TMEM169: variants seen among roughly 807,000 people sequenced by gnomAD.
TMEM169 encodes the protein transmembrane protein 169.
Under a neutral mutation model 27.3 loss-of-function variants are expected in TMEM169, and 18 were observed. The ratio of observed to expected loss-of-function variants is 0.66; its 90% confidence interval spans 0.46 to 0.98. The LOEUF is 0.98. Among genes scored for constraint, TMEM169 ranks in the 50% least tolerant of loss-of-function variants. The pLI is 0.00. For synonymous variants in TMEM169, 136 were observed against 142.1 expected (o/e 0.96, Z 0.30); for missense variants, 320 against 368.6 (o/e 0.87, Z 1.08).
chr2:216,087,818 A>G (rs1227528291), intron 1 of TMEM169, among the ~76,000 whole-genome samples: 4 of 152,224 alleles, frequency 2.6e-5, no homozygotes, highest in Non-Finnish European at 5.9e-5. Flanking sequence ...TGTTACTATT[A>G]TTCAGTCCAA....
Position 216,100,093 on chromosome 2 carries a change from G to T in TMEM169, c.445G>T (p.Ala149Ser). The stretch of plus-strand genomic sequence containing the variant: ...GGAAACGACGCCTGAAGGAAGAATG[G>T]CCTGCCAGATGGGAGCTGACCGTGG... ...SRETTPEGRM[A>S]CQMGADRGPH... is the part of the protein sequence containing the mutation. Residue 149 changes from alanine to serine, a missense_variant, in exon 3 of 3, where the codon GCC (alanine) becomes TCC (serine). Ala to Ser is a moderately conservative substitution (Grantham distance 99). Transcript: ENST00000437356. The T allele has an allele frequency of 6.2e-7, 1 of 1,614,154 alleles. No homozygotes were observed. The highest frequency in any genetic ancestry group is 8.5e-7 in the Non-Finnish European group (1 of 1,180,026).
chr2:216,087,604 C>G (rs1696036408), intron 1 of TMEM169, among the ~76,000 whole-genome samples: 1 of 152,142 alleles, frequency 6.6e-6, no homozygotes, highest in Admixed American at 6.6e-5. Context: ...ATGAAAATAA[C>G]ATGGGCTTTG....
At chr2:216,098,500 C>A (rs1279485883) in intron 2 of TMEM169, among the ~76,000 whole-genome samples, 1 of 152,106 alleles carries the variant, frequency 6.6e-6, no homozygotes, top group Non-Finnish European at 1.5e-5. Context: ...AAAGACAGGG[C>A]TTGGGAGACT....
intron 1 of TMEM169, among the ~76,000 whole-genome samples, chr2:216,094,440 A>G (rs1696213587): frequency 6.6e-6 from 1 of 152,232 alleles, no homozygotes; most frequent in Non-Finnish European, 1.5e-5. Flanking sequence ...TAAATGAAGA[A>G]GTCAGAGAAA....
At chr2:216,090,652 T>C (rs1028241821) in intron 1 of TMEM169, among the ~76,000 whole-genome samples, 1 of 152,186 alleles carries the variant, frequency 6.6e-6, no homozygotes, top group African/African-American at 2.4e-5. Context: ...AAAAACACTT[T>C]TGGACCTCCA....
Position 216,099,342 on chromosome 2 carries a change from G to A in TMEM169, c.272-578G>A, listed in dbSNP as rs1029217837. ...TGTATGTGGTACGTGATTGGGAGGTGGCATGTGTATGTGTGTGTATGGTGT... is the reference window on the plus strand; with the variant it reads ...TGTATGTGGTACGTGATTGGGAGGTAGCATGTGTATGTGTGTGTATGGTGT... On this transcript the variant is annotated intron_variant, in intron 2 of 2. Coordinates refer to ENST00000437356, the MANE Select transcript of TMEM169 (RefSeq NM_001142311.2). This position sits in a 1 kb window ranked among gnomAD's most constrained non-coding sequence, Gnocchi z 5.0. Among the ~76,000 whole-genome samples the A allele has an allele frequency of 1.3e-5, 2 of 151,648 alleles. No individual in the cohort carries two copies. The highest frequency in any genetic ancestry group is 4.8e-5 in the African/African-American group (2 of 41,246).
At chr2:216,098,200 T>C (rs1696304586) in intron 2 of TMEM169, among the ~76,000 whole-genome samples, 1 of 152,094 alleles carries the variant, frequency 6.6e-6, no homozygotes, top group Non-Finnish European at 1.5e-5. Flanking sequence ...TTTATATTTG[T>C]AAAAGATCAC....
intron 1 of TMEM169, among the ~76,000 whole-genome samples, chr2:216,088,256 G>A (rs1451867636): frequency 6.6e-6 from 1 of 151,870 alleles, no homozygotes; most frequent in Non-Finnish European, 1.5e-5. Flanking sequence ...TCAGGAGATC[G>A]AGACCATCCT....
At chr2:216,089,670 T>G (rs1356767426) in intron 1 of TMEM169, among the ~76,000 whole-genome samples, 1 of 152,148 alleles carries the variant, frequency 6.6e-6, no homozygotes, top group Non-Finnish European at 1.5e-5. Context: ...GCCAGGCTGG[T>G]CTTGAATTCC....
chr2:216,083,073 G>A (rs894112226), intron 1 of TMEM169: 8 of 152,258 alleles, frequency 5.3e-5, no homozygotes, highest in Admixed American at 5.2e-4. Flanking sequence ...CCATCCTCTT[G>A]TCCTTCTCTG....
At chr2:216,094,346 T>C (rs1302151577) in intron 1 of TMEM169, among the ~76,000 whole-genome samples, 1 of 152,206 alleles carries the variant, frequency 6.6e-6, no homozygotes, top group Non-Finnish European at 1.5e-5. Flanking sequence ...ATGCCAATAA[T>C]ATTGCATAAC....
intron 1 of TMEM169, among the ~76,000 whole-genome samples, chr2:216,091,171 C>A (rs1559226419): frequency 6.6e-6 from 1 of 152,140 alleles, no homozygotes; most frequent in South Asian, 2.1e-4. Context: ...GTTTTCCCCC[C>A]AAATCCATAT....
chr2:216,101,702 T>A lies in TMEM169; in HGVS notation c.*1160T>A, dbSNP rs1055415334. 1 of 152,068 alleles carries A rather than the reference T, an allele frequency of 6.6e-6. No homozygotes were observed. Among genetic ancestry groups the A allele is most frequent in the African/African-American group, 2.4e-5 (1 of 41,402 alleles). 9.4% of individuals were successfully genotyped at this position (152,068 alleles called of 1,614,324 possible). A position where few individuals can be genotyped will look rare whatever the true frequency, so the allele number is the denominator to read the frequency against. On this transcript the variant is annotated 3_prime_UTR_variant, in exon 3 of 3. Transcript: ENST00000437356. ...TTTCACCATGTGCCCAGGCTGGTCT[T>A]GAACTCCTGACCTCAGGTGATCCGC...
chr2:216,089,091 A>G (rs1696071626), intron 1 of TMEM169, among the ~76,000 whole-genome samples: 1 of 152,190 alleles, frequency 6.6e-6, no homozygotes, highest in Non-Finnish European at 1.5e-5. Flanking sequence ...CCTAGAAAAC[A>G]CTGGCAATTA....
At position 216,096,250 on chromosome 2, in the gene TMEM169, C is replaced by T; in HGVS notation, c.271+16C>T. Reference sequence around the variant, plus strand: ...GTGGATGATGGTAAGTCTCTCTAGCCCACTTGTTTAAAGCCATGGGAAGGA... The same window carrying T: ...GTGGATGATGGTAAGTCTCTCTAGCTCACTTGTTTAAAGCCATGGGAAGGA... On this transcript the variant is annotated intron_variant, in intron 2 of 2. Transcript: ENST00000437356. The T allele has an allele frequency of 6.2e-7, 1 of 1,607,196 alleles. No individual in the cohort carries two copies. The highest frequency in any genetic ancestry group is 8.5e-7 in the Non-Finnish European group (1 of 1,175,566).
chr2:216,091,556 C>CA (rs35975278), intron 1 of TMEM169, among the ~76,000 whole-genome samples: 4,631 of 80,010 alleles, frequency 0.058, 559 homozygotes, highest in African/African-American at 0.19. Flanking sequence ...GACTCCATCT[C>CA]AAAAAAAAAA....
At chr2:216,087,178 A>AG (rs35025703) in intron 1 of TMEM169, among the ~76,000 whole-genome samples, 83,528 of 151,662 alleles carry the variant, frequency 0.55, 23,362 homozygotes, top group East Asian at 0.78. Context: ...AGGAAAGGGA[A>AG]GGGGAAAATT....
intron 1 of TMEM169, among the ~76,000 whole-genome samples, chr2:216,084,115 T>C (rs553850600): frequency 1.3e-5 from 2 of 151,842 alleles, no homozygotes; most frequent in South Asian, 4.2e-4. Context: ...CCCCCGAACC[T>C]CTCCCCACAG....
intron 1 of TMEM169, among the ~76,000 whole-genome samples, chr2:216,087,145 CAT>C (rs1696019356): frequency 1.3e-5 from 2 of 149,738 alleles, no homozygotes; most frequent in African/African-American, 4.9e-5. Flanking sequence ...AACATAAGCA[CAT>C]GTGTTGAGTA....
Sources: allele counts gnomAD v4.1 joint callset (sites outside exome capture counted in the v4.1 genomes callset), GRCh38; gene constraint gnomAD v4.1.1; non-coding constraint Gnocchi (gnomAD v3.1); transcripts MANE v1.5; gene names NCBI Gene and HGNC (gene_info 2026-07-23, HGNC 2026-07-21).